Variants in DNAH6 observed in about 807,000 individuals in gnomAD.
DNAH6 encodes dynein axonemal heavy chain 6, also known as axonemal beta dynein heavy chain 6.
A neutral mutation model predicts 491.4 loss-of-function variants in DNAH6; 340 were observed. The ratio of observed to expected loss-of-function variants is 0.69; its 90% CI spans 0.63 to 0.76. The LOEUF (loss-of-function observed/expected upper bound fraction) is 0.76, where lower values mean the gene tolerates loss of function less well. DNAH6 is among the 30% of genes least tolerant of loss of function. The probability of loss-of-function intolerance (pLI) is 0.00; values close to 1 mark genes in which losing one functional copy is unlikely to be tolerated. For synonymous variants in DNAH6, 1,603 were observed against 1,686.1 expected (o/e 0.95, Z 1.21); for missense variants, 4,443 against 4,972.2 (o/e 0.89, Z 3.20).
intron 18 of DNAH6, among the ~76,000 whole-genome samples, chr2:84,602,552 C>T (rs1288466054): frequency 2.6e-5 from 3 of 115,818 alleles, no homozygotes; most frequent in African/African-American, 1.0e-4. Context: ...TGATTCTCAT[C>T]AGTTAGGAGT....
chr2:84,709,188 T>G (rs1196445170), intron 54 of DNAH6, among the ~76,000 whole-genome samples, 155 bp from the exon 55 acceptor site: 3 of 152,198 alleles, frequency 2.0e-5, no homozygotes, highest in South Asian at 2.1e-4. Flanking sequence ...TTGGTCTACT[T>G]CCTGTGTCCC....
intron 68 of DNAH6, among the ~76,000 whole-genome samples, chr2:84,789,958 G>T (rs1271156824): frequency 2.6e-5 from 4 of 152,180 alleles, no homozygotes; most frequent in African/African-American, 9.6e-5. Context: ...AGGACCATCA[G>T]TTCTTTGGGG....
chr2:84,519,788 T>C (rs1675971577), intron 2 of DNAH6, among the ~76,000 whole-genome samples: 1 of 152,136 alleles, frequency 6.6e-6, no homozygotes, highest in Middle Eastern at 3.4e-3. Flanking sequence ...CCATCTAACA[T>C]TGATGACATC....
At chr2:84,476,696 T>A in the DNAH6 span, among the ~76,000 whole-genome samples, 3 of 152,282 alleles carry the variant, frequency 2.0e-5, no homozygotes, top group Non-Finnish European at 4.4e-5. Context: ...TACGCGTTTT[T>A]AAAATCTCTG....
At chr2:84,567,959 A>G (rs1252849639) in intron 11 of DNAH6, among the ~76,000 whole-genome samples, 1 of 152,150 alleles carries the variant, frequency 6.6e-6, no homozygotes, top group Non-Finnish European at 1.5e-5. Context: ...ATTATATAAT[A>G]CATTATGTGG....
intron 31 of DNAH6, among the ~76,000 whole-genome samples, 153 bp downstream of exon 31, chr2:84,637,530 A>AAGTTCTGCATGTTT (rs1269172066): frequency 6.6e-6 from 1 of 152,194 alleles, no homozygotes; most frequent in Non-Finnish European, 1.5e-5. Context: ...ATGGAATGTT[A>AAGTTCTGCATGTTT]AGTTCTGCAT....
At chr2:84,797,268 C>T (rs1329793976) in intron 69 of DNAH6, among the ~76,000 whole-genome samples, 2 of 152,216 alleles carry the variant, frequency 1.3e-5, no homozygotes, top group African/African-American at 4.8e-5. Flanking sequence ...CACCTTTCAG[C>T]AGCATATCCC....
At chr2:84,543,015 C>T (rs1338391518) in intron 4 of DNAH6, among the ~76,000 whole-genome samples, 1 of 151,996 alleles carries the variant, frequency 6.6e-6, no homozygotes, top group Admixed American at 6.6e-5. Context: ...AAAAATTAGC[C>T]GGGCATAGTG....
intron 2 of DNAH6, among the ~76,000 whole-genome samples, chr2:84,523,431 A>C (rs144185854): frequency 0.015 from 2,236 of 150,420 alleles, 34 homozygotes; most frequent in Middle Eastern, 0.093. Flanking sequence ...GATCTTTTCC[A>C]TTTTTTTTAT....
intron 33 of DNAH6, among the ~76,000 whole-genome samples, chr2:84,649,009 C>T: frequency 6.6e-6 from 1 of 152,230 alleles, no homozygotes; most frequent in East Asian, 1.9e-4. Context: ...AACTACCACC[C>T]TGCTCAGTCA....
In DNAH6 at chr2:84,780,096, T is replaced by C. The variant is rs1191569130; in HGVS notation, c.10704-1397T>C. Among the ~76,000 whole-genome samples, 5 of 152,172 alleles carry C rather than the reference T, an allele frequency of 3.3e-5. No homozygotes were observed. The East Asian group carries it at 9.6e-4, about 29-fold the overall frequency. ...TTTTTTTCACATTGATCATGGAAAG[T>C]TTGATGACTATGTGTCTTGGGGATG... is the stretch of plus-strand genomic sequence containing the variant. On this transcript the variant is annotated intron_variant, in intron 64 of 76. Coordinates refer to ENST00000389394, the MANE Select transcript of DNAH6 (RefSeq NM_001370.2).
At chr2:84,685,680 G>A (rs1330894726) in intron 43 of DNAH6, among the ~76,000 whole-genome samples, 1 of 151,944 alleles carries the variant, frequency 6.6e-6, no homozygotes, top group Non-Finnish European at 1.5e-5. Context: ...GTCGGGCATG[G>A]TGGCTCATGC....
rs553436773 is a variant in DNAH6 at position 84,517,883 on chromosome 2, C to G, written c.57C>G (p.Ala19=). 3 of 1,551,556 alleles carry G rather than the reference C, an allele frequency of 1.9e-6. No individual in the cohort carries two copies. In the African/African-American group the frequency reaches 4.1e-5, roughly 21 times the overall value. ...ACCTGACAAATATTGAAGAGTATGCCGAAAATTCTGCACTTTCAAGACTGA... is the reference window on the plus strand; with the variant it reads ...ACCTGACAAATATTGAAGAGTATGCGGAAAATTCTGCACTTTCAAGACTGA... ...EFDLTNIEEY[A]ENSALSRLNN... is the part of the protein sequence containing the mutation. Residue 19 remains alanine, a synonymous_variant, in exon 2 of 77, where the codon GCC becomes GCG. Coordinates refer to ENST00000389394, the MANE Select transcript of DNAH6 (RefSeq NM_001370.2).
Position 84,782,888 on chromosome 2 carries a change from T to C in DNAH6, c.10864+1235T>C, listed in dbSNP as rs1676825627. 4.6e-5 allele frequency among the ~76,000 whole-genome samples: 7 copies of C among 152,042 alleles called. 1 individual carries two copies. The South Asian group carries it at 1.5e-3, about 32-fold the overall frequency. On this transcript the variant is annotated intron_variant, in intron 65 of 76. Coordinates refer to ENST00000389394, the MANE Select transcript of DNAH6 (RefSeq NM_001370.2). Reference sequence around the variant, plus strand: ...AGGCTCCAGAATATGGAGATGCCATTCAGTTTCACTGTAACTAGGACAAGA... The same window carrying C: ...AGGCTCCAGAATATGGAGATGCCATCCAGTTTCACTGTAACTAGGACAAGA...
At chr2:84,707,444 G>T (rs934260437) in intron 53 of DNAH6, 76 bp from the exon 54 acceptor site, 1 of 1,326,874 alleles carries the variant, frequency 7.5e-7, no homozygotes, top group African/African-American at 1.5e-5. Context: ...GCTATAAAAA[G>T]AAACAGGTAA....
At position 84,669,448 on chromosome 2, in the gene DNAH6, A is replaced by G. The variant is rs1223558057; in HGVS notation, c.6244A>G (p.Met2082Val). The G allele has an allele frequency of 6.4e-7, 1 of 1,551,982 alleles. No individual in the cohort carries two copies. The highest frequency in any genetic ancestry group is 1.4e-5 in the African/African-American group (1 of 73,142). ...TGACACAGTGCGCTATGGGTATCTA[A>G]TGGAAAAACTACTGGCAGTCAAGCA... is the stretch of plus-strand genomic sequence containing the variant. The part of the protein sequence containing the change: ...TTDTVRYGYL[M>V]EKLLAVKHSV... The change falls in exon 38 of 77, where the codon ATG becomes GTG. Residue 2082 changes from methionine to valine, a missense_variant. By Grantham distance (21) the Met-to-Val change is conservative. Around this residue, in one of 3 missense-constraint regions of DNAH6, gnomAD observed 2,977 missense variants for 3,296.6 expected, o/e 0.90. Coordinates refer to ENST00000389394, the MANE Select transcript of DNAH6 (RefSeq NM_001370.2).
At chr2:84,676,612 G>A (rs542676634) in intron 40 of DNAH6, among the ~76,000 whole-genome samples, 3 of 152,334 alleles carry the variant, frequency 2.0e-5, no homozygotes, top group African/African-American at 4.8e-5. Context: ...CCTAGGAGCA[G>A]TGGTTCAGTA....
At chr2:84,689,654 G>A in intron 45 of DNAH6, among the ~76,000 whole-genome samples, 1 of 152,206 alleles carries the variant, frequency 6.6e-6, no homozygotes, top group East Asian at 1.9e-4. Context: ...AGTCAGTGCA[G>A]TCATACAGGC....
chr2:84,704,405 T>C (rs1024226068), intron 51 of DNAH6, 103 bp downstream of exon 51: 10 of 829,048 alleles, frequency 1.2e-5, no homozygotes, highest in Admixed American at 5.5e-5. Context: ...CACCTTCTCA[T>C]TGCTTCAGTT....
Sources: gnomAD v4.1 joint callset for allele counts (sites outside exome capture counted in the v4.1 genomes callset) on GRCh38, gnomAD v4.1.1 for gene constraint, gnomAD v4.1.1 regional missense constraint, MANE v1.5 for transcripts, NCBI Gene and HGNC (gene_info 2026-07-23, HGNC 2026-07-21) for gene names.